ROR1: variants seen among roughly 807,000 people sequenced by gnomAD.
The protein encoded by ROR1 is ROR family WNT receptor 1.
In ROR1, 19 loss-of-function variants were observed where a neutral mutation model predicts 78.8. The observed-to-expected ratio is 0.24, with a 90% CI of 0.17 to 0.35. ROR1 has a LOEUF of 0.35. Among genes scored for constraint, ROR1 ranks in the 10% least tolerant of loss-of-function variants. ROR1 has a pLI of 1.00. For missense variants in ROR1, 917 were observed against 1,177.8 expected (o/e 0.78, Z 3.24); for synonymous variants, 386 against 433.6 (o/e 0.89, Z 1.36).
intron 1 of ROR1, among the ~76,000 whole-genome samples, chr1:63,990,102 C>G (rs561508932): frequency 6.6e-6 from 1 of 152,218 alleles, no homozygotes; most frequent in Non-Finnish European, 1.5e-5. Context: ...TAGCACCCAG[C>G]AGGCATGAAG....
chr1:64,160,649 T>C lies in ROR1; in HGVS notation c.1386+1457T>C, dbSNP rs773380051. On this transcript the variant is annotated intron_variant, in intron 8 of 8. Transcript: ENST00000371079. The stretch of plus-strand genomic sequence containing the variant: ...TAATCCTTACTACTTAGTGCTACTA[T>C]AAAAGTAGTGAAAGCAAATGGATGG... Among the ~76,000 whole-genome samples the C allele has an allele frequency of 6.1e-4, 93 of 152,332 alleles. No homozygotes were observed. In the Middle Eastern group the frequency reaches 0.01, roughly 17 times the overall value.
intron 4 of ROR1, among the ~76,000 whole-genome samples, chr1:64,062,982 G>GA (rs1646928923): frequency 6.6e-6 from 1 of 152,034 alleles, no homozygotes; most frequent in Non-Finnish European, 1.5e-5. Flanking sequence ...ATTAACAAAA[G>GA]AAAAAACATA....
At chr1:64,065,420 C>T (rs1646948481) in intron 4 of ROR1, among the ~76,000 whole-genome samples, 1 of 152,182 alleles carries the variant, frequency 6.6e-6, no homozygotes, top group East Asian at 1.9e-4. Flanking sequence ...TCACAACACT[C>T]AAATGGTTTA....
intron 4 of ROR1, among the ~76,000 whole-genome samples, chr1:64,129,362 G>C (rs1386596364): frequency 1.3e-5 from 2 of 152,198 alleles, no homozygotes; most frequent in Non-Finnish European, 2.9e-5. Flanking sequence ...AGTAACACTT[G>C]TGGTAGAAAA....
At chr1:63,912,919 C>G (rs1281091653) in intron 1 of ROR1, among the ~76,000 whole-genome samples, 1 of 152,052 alleles carries the variant, frequency 6.6e-6, no homozygotes, top group African/African-American at 2.4e-5. Context: ...TGAGGAGAAG[C>G]GCTTCAGATA....
At chr1:64,149,484 G>A (rs1236447416) in intron 7 of ROR1, among the ~76,000 whole-genome samples, 1 of 152,064 alleles carries the variant, frequency 6.6e-6, no homozygotes, top group African/African-American at 2.4e-5. Context: ...TAGGAATGAA[G>A]CCCCCAGCCA....
At chr1:64,084,379 T>C (rs1647133011) in intron 4 of ROR1, among the ~76,000 whole-genome samples, 1 of 152,216 alleles carries the variant, frequency 6.6e-6, no homozygotes, top group Non-Finnish European at 1.5e-5. Flanking sequence ...AAGGAAACTT[T>C]ATTATTGATA....
intron 1 of ROR1, among the ~76,000 whole-genome samples, chr1:63,991,100 TTTTGTTTTG>T (rs1646292677): frequency 1.0e-4 from 3 of 29,592 alleles, no homozygotes; most frequent in Non-Finnish European, 7.7e-4. Context: ...TTTGTTTGTT[TTTTGTTTTG>T]TTTTGTTTTG....
At chr1:63,996,552 T>C (rs1166640667) in intron 1 of ROR1, among the ~76,000 whole-genome samples, 1 of 152,202 alleles carries the variant, frequency 6.6e-6, no homozygotes, top group Non-Finnish European at 1.5e-5. Context: ...ATGATAGTAA[T>C]CCTCTTAAAT....
At chr1:63,801,320 A>C (rs1644795990) in intron 1 of ROR1, among the ~76,000 whole-genome samples, 1 of 152,024 alleles carries the variant, frequency 6.6e-6, no homozygotes, top group African/African-American at 2.4e-5. Flanking sequence ...TTTGAGACAG[A>C]GTCTCGCTCT....
intron 1 of ROR1, among the ~76,000 whole-genome samples, chr1:63,972,509 A>G (rs1410886731): frequency 6.6e-6 from 1 of 152,102 alleles, no homozygotes; most frequent in Non-Finnish European, 1.5e-5. Context: ...ACTTACATTT[A>G]TTGTATCTAT....
intron 1 of ROR1, among the ~76,000 whole-genome samples, chr1:63,854,747 A>T (rs1295970952): frequency 6.6e-6 from 1 of 152,210 alleles, no homozygotes; most frequent in East Asian, 1.9e-4. Context: ...AGAAAAAGTG[A>T]TGAAAGAAGA....
chr1:64,045,346 A>G (rs2100586398), intron 2 of ROR1, among the ~76,000 whole-genome samples: 1 of 152,076 alleles, frequency 6.6e-6, no homozygotes, highest in East Asian at 1.9e-4. Flanking sequence ...AAAAAATGCC[A>G]CTTTTCTCAC....
At chr1:63,834,968 T>C (rs1244034003) in intron 1 of ROR1, among the ~76,000 whole-genome samples, 4 of 152,082 alleles carry the variant, frequency 2.6e-5, no homozygotes, top group Admixed American at 6.5e-5. Context: ...GGATCAATAA[T>C]TGGCTGGGGC....
At chr1:63,931,447 G>A (rs143017298) in intron 1 of ROR1, among the ~76,000 whole-genome samples, 21 of 152,238 alleles carry the variant, frequency 1.4e-4, no homozygotes, top group Admixed American at 1.0e-3. Flanking sequence ...TCAGAACCTC[G>A]AGTACAGTAG....
intron 4 of ROR1, among the ~76,000 whole-genome samples, chr1:64,122,519 C>T (rs1351227811): frequency 6.6e-6 from 1 of 152,310 alleles, no homozygotes; most frequent in African/African-American, 2.4e-5. Context: ...AGGATGCATG[C>T]TCTGTAAGAC....
chr1:63,843,179 G>C (rs535600244), intron 1 of ROR1: 2 of 1,222,924 alleles, frequency 1.6e-6, no homozygotes, highest in Non-Finnish European at 2.4e-6. Flanking sequence ...CAGGCAGGTG[G>C]CCAGAACCGG....
At chr1:63,986,779 C>A (rs1646256283) in intron 1 of ROR1, among the ~76,000 whole-genome samples, 1 of 151,504 alleles carries the variant, frequency 6.6e-6, no homozygotes, top group Admixed American at 6.6e-5. Flanking sequence ...TACCTGTGGT[C>A]CCAATTACTC....
intron 1 of ROR1, among the ~76,000 whole-genome samples, chr1:63,857,157 G>GTTT (rs11421779): frequency 2.8e-5 from 4 of 142,060 alleles, no homozygotes; most frequent in African/African-American, 1.0e-4. Flanking sequence ...ACTTTCAGAA[G>GTTT]TTTTTTTTTT....
Sources: gnomAD v4.1 joint callset for allele counts (sites outside exome capture counted in the v4.1 genomes callset) on GRCh38, gnomAD v4.1.1 for gene constraint, MANE v1.5 for transcripts, NCBI Gene and HGNC (gene_info 2026-07-23, HGNC 2026-07-21) for gene names.